The following EVI5 variants were observed in gnomAD, a reference collection of about 807,000 sequenced individuals.
EVI5 encodes ecotropic viral integration site 5, also known as ecotropic viral integration site 5 protein homolog.
In EVI5, 73 loss-of-function variants were observed where a neutral mutation model predicts 112.0. The observed-to-expected ratio is 0.65, with a 90% CI of 0.54 to 0.79. EVI5 has a LOEUF of 0.79. Ranked by LOEUF, EVI5 falls within the 30% of genes least tolerant of loss-of-function variation. The pLI, the probability that EVI5 is intolerant of heterozygous loss-of-function variation, is 0.00. For synonymous variants in EVI5, 305 were observed against 319.9 expected (o/e 0.95, Z 0.50); for missense variants, 900 against 968.8 (o/e 0.93, Z 0.94).
intron 2 of EVI5, among the ~76,000 whole-genome samples, chr1:92,708,845 T>C (rs1197714662): frequency 6.6e-6 from 1 of 152,134 alleles, no homozygotes; most frequent in East Asian, 1.9e-4. Flanking sequence ...GTTAAGTTAA[T>C]GAAGCCAGTC....
In EVI5 at chr1:92,735,623, G is replaced by GACAT. The variant is rs1677207556; in HGVS notation, c.149+774_149+775insATGT. Among the ~76,000 whole-genome samples, 7 of 116,838 alleles carry GACAT rather than the reference G, an allele frequency of 6.0e-5. No individual in the cohort carries two copies. The South Asian group carries it at 8.2e-4, about 14-fold the overall frequency. The allele number at this position is 116,838 out of a possible 152,430, so 76.7% of individuals were successfully genotyped here. A position where few individuals can be genotyped will look rare whatever the true frequency, so the allele number is the denominator to read the frequency against. On this transcript the variant is annotated intron_variant, in intron 2 of 19. Coordinates refer to ENST00000684568, the MANE Select transcript of EVI5 (RefSeq NM_001350197.2). ...TATTATGTATTATATATAATTATAT[G>GACAT]ATATATGATATATGTCATATATATA...
At chr1:92,576,834 T>C (rs192215463) in intron 18 of EVI5, among the ~76,000 whole-genome samples, 3 of 152,342 alleles carry the variant, frequency 2.0e-5, no homozygotes, top group Non-Finnish European at 2.9e-5. Context: ...GAGCCTCTTG[T>C]CAATCTTACA....
At chr1:92,691,270 T>C (rs17131655) in intron 9 of EVI5, among the ~76,000 whole-genome samples, 13,429 of 152,134 alleles carry the variant, frequency 0.088, 1,694 homozygotes, top group African/African-American at 0.28. Context: ...AATTACTTTA[T>C]GGACATGAAT....
intron 2 of EVI5, chr1:92,714,206 T>C (rs1362449207): frequency 4.8e-6 from 4 of 841,900 alleles, no homozygotes; most frequent in African/African-American, 3.7e-5. Flanking sequence ...TAAAAAGTAA[T>C]AGCCGCAGTA....
chr1:92,778,716 A>G (rs968772769), intron 1 of EVI5, among the ~76,000 whole-genome samples: 4 of 152,240 alleles, frequency 2.6e-5, no homozygotes, highest in African/African-American at 9.6e-5. Context: ...GCTTTAAAAA[A>G]TACTGGTGCT....
intron 1 of EVI5, among the ~76,000 whole-genome samples, chr1:92,775,976 T>C (rs565999635): frequency 1.1e-3 from 170 of 151,872 alleles, no homozygotes; most frequent in African/African-American, 3.7e-3. Flanking sequence ...GGCGTGGTGG[T>C]GGGCGCCTGT....
intron 9 of EVI5, among the ~76,000 whole-genome samples, chr1:92,683,885 A>G (rs1668028850): frequency 6.6e-6 from 1 of 152,232 alleles, no homozygotes; most frequent in Non-Finnish European, 1.5e-5. Flanking sequence ...AAAGACTCCA[A>G]GAAATATGGG....
intron 2 of EVI5, among the ~76,000 whole-genome samples, chr1:92,717,862 A>G (rs1247405223): frequency 6.6e-6 from 1 of 152,010 alleles, no homozygotes; most frequent in Non-Finnish European, 1.5e-5. Flanking sequence ...CTACCAAGCA[A>G]TTGGAAAGCA....
At chr1:92,760,173 G>A (rs577983905) in intron 1 of EVI5, among the ~76,000 whole-genome samples, 2 of 152,214 alleles carry the variant, frequency 1.3e-5, no homozygotes, top group African/African-American at 4.8e-5. Flanking sequence ...TTTTTGGAGA[G>A]TCCTTTGTCA....
intron 16 of EVI5, among the ~76,000 whole-genome samples, chr1:92,614,285 A>G (rs1652542227): frequency 6.6e-6 from 1 of 152,176 alleles, no homozygotes; most frequent in Non-Finnish European, 1.5e-5. Context: ...AGCTTTCAAC[A>G]AAAAAATTAC....
At chr1:92,778,518 C>G (rs1272379311) in intron 1 of EVI5, among the ~76,000 whole-genome samples, 1 of 152,062 alleles carries the variant, frequency 6.6e-6, no homozygotes, top group Non-Finnish European at 1.5e-5. Context: ...GCTCCTTACC[C>G]AACCCTCTTT....
intron 16 of EVI5, among the ~76,000 whole-genome samples, 173 bp downstream of exon 16, chr1:92,624,003 C>A (rs545518081): frequency 6.6e-6 from 1 of 152,294 alleles, no homozygotes; most frequent in South Asian, 2.1e-4. Flanking sequence ...AGGATTAAAT[C>A]TCTGAAATCC....
intron 19 of EVI5, among the ~76,000 whole-genome samples, chr1:92,555,633 T>C (rs973938718): frequency 1.3e-5 from 2 of 152,120 alleles, no homozygotes; most frequent in African/African-American, 4.8e-5. Flanking sequence ...ACAGACTGCC[T>C]GAGCTCAGGA....
At chr1:92,707,969 A>C (rs1672263322) in intron 2 of EVI5, among the ~76,000 whole-genome samples, 1 of 152,210 alleles carries the variant, frequency 6.6e-6, no homozygotes, top group Non-Finnish European at 1.5e-5. Context: ...AATCTGATAG[A>C]TGTTAGAACG....
intron 19 of EVI5, among the ~76,000 whole-genome samples, chr1:92,551,040 C>CTTTTTTTTTTTTTTTTTTTTTTTTT (rs55898086): frequency 5.0e-5 from 4 of 80,728 alleles, no homozygotes; most frequent in Admixed American, 2.0e-4. Context: ...TTCTTTCTTT[C>CTTTTTTTTTTTTTTTTTTTTTTTTT]TTTTTTTTTT....
intron 18 of EVI5, among the ~76,000 whole-genome samples, chr1:92,589,140 C>T (rs1013447537): frequency 1.3e-5 from 2 of 152,112 alleles, no homozygotes; most frequent in Non-Finnish European, 2.9e-5. Context: ...GGGGGTGGAG[C>T]CAATATGGCC....
rs893411495 is a variant in EVI5, at chr1:92,636,390, C to T, written c.1393-54G>A. 6.2e-6 allele frequency: 9 copies of T among 1,441,356 alleles called. No homozygotes were observed. The African/African-American group carries it at 9.9e-5, about 16-fold the overall frequency. The allele number at this position is 1,441,356 out of a possible 1,614,324, so 89.3% of individuals were successfully genotyped here. A position where few individuals can be genotyped will look rare whatever the true frequency, so the allele number is the denominator to read the frequency against. ...TCATGAAAGTATAAACATGTATATA[C>T]AATAAAAACAATGCAACCACATAAT... is the stretch of plus-strand genomic sequence containing the variant. On this transcript the variant is annotated intron_variant, in intron 13 of 19. Coordinates refer to ENST00000684568, the MANE Select transcript of EVI5 (RefSeq NM_001350197.2).
intron 18 of EVI5, among the ~76,000 whole-genome samples, chr1:92,570,336 G>A (rs1571610184): frequency 6.6e-6 from 1 of 151,944 alleles, no homozygotes; most frequent in East Asian, 1.9e-4. Context: ...GGCAGGGGGG[G>A]CCTAATTTTG....
chr1:92,511,093 T>G lies in EVI5; in HGVS notation c.*2563A>C, dbSNP rs202222813. On this transcript the variant is annotated 3_prime_UTR_variant, in exon 20 of 20. Coordinates refer to ENST00000684568, the MANE Select transcript of EVI5 (RefSeq NM_001350197.2). ...GCTTGTAAGTGTTGATACTCATCTATCTATCTGTATATATATTCAGGAAAC... is the reference window on the plus strand; with the variant it reads ...GCTTGTAAGTGTTGATACTCATCTAGCTATCTGTATATATATTCAGGAAAC... The G allele has an allele frequency of 2.0e-5, 3 of 149,838 alleles. No homozygotes were observed. The highest frequency in any genetic ancestry group is 2.0e-4 in the Admixed American group (3 of 15,108). 9.3% of individuals were successfully genotyped at this position (149,838 alleles called of 1,614,324 possible).
Sources: gnomAD v4.1 joint callset for allele counts (sites outside exome capture counted in the v4.1 genomes callset) on GRCh38, gnomAD v4.1.1 for gene constraint, MANE v1.5 for transcripts, NCBI Gene and HGNC (gene_info 2026-07-23, HGNC 2026-07-21) for gene names.